Variants in KIF26B observed in about 807,000 individuals in gnomAD.
The protein encoded by KIF26B is kinesin-like protein KIF26B.
In KIF26B, 63 loss-of-function variants were observed where a neutral mutation model predicts 151.2. The ratio of observed to expected loss-of-function variants is 0.42; its 90% confidence interval spans 0.34 to 0.51. KIF26B has a LOEUF of 0.51. Ranked by LOEUF, KIF26B falls within the 20% of genes least tolerant of loss-of-function variation. KIF26B has a pLI of 0.07. For synonymous variants in KIF26B, 1,357 were observed against 1,262.1 expected (o/e 1.08, Z -1.59); for missense variants, 2,813 against 2,913.6 (o/e 0.97, Z 0.79).
intron 2 of KIF26B, among the ~76,000 whole-genome samples, chr1:245,343,578 G>A (rs1433331437): frequency 1.3e-5 from 2 of 152,104 alleles, no homozygotes; most frequent in East Asian, 3.9e-4. Flanking sequence ...GTTATAGGTA[G>A]GAGTCATCTT....
At chr1:245,465,348 G>C (rs1659761996) in intron 4 of KIF26B, among the ~76,000 whole-genome samples, 1 of 152,118 alleles carries the variant, frequency 6.6e-6, no homozygotes, top group Admixed American at 6.5e-5. Context: ...CTGGGTGAGA[G>C]ATGAGGGAGC....
intron 9 of KIF26B, among the ~76,000 whole-genome samples, chr1:245,641,639 A>G (rs975114991): frequency 2.7e-5 from 4 of 150,554 alleles, no homozygotes; most frequent in Middle Eastern, 3.2e-3. Flanking sequence ...TTTTCATTTC[A>G]TTTATTGAAT....
intron 4 of KIF26B, among the ~76,000 whole-genome samples, chr1:245,441,792 A>G (rs1372625399): frequency 6.6e-6 from 1 of 152,242 alleles, no homozygotes; most frequent in Non-Finnish European, 1.5e-5. Flanking sequence ...CAGCTGTTGC[A>G]TTTGATGGCT....
chr1:245,703,226 T>C lies in KIF26B; in HGVS notation c.*620T>C, dbSNP rs1388876673. ...GCTATTTCTTAATCAGTATTGCTTA[T>C]GAATAAATATTACCTGTCTTTTATG... On this transcript the variant is annotated 3_prime_UTR_variant, in exon 15 of 15. Transcript: ENST00000407071. The C allele has an allele frequency of 6.5e-6, 1 of 152,692 alleles. No individual in the cohort carries two copies. The highest frequency in any genetic ancestry group is 1.5e-5 in the Non-Finnish European group (1 of 68,062). The allele number at this position is 152,692 out of a possible 1,614,324, so 9.5% of individuals were successfully genotyped here.
chr1:245,478,695 G>A (rs1381506119), intron 4 of KIF26B, among the ~76,000 whole-genome samples: 3 of 151,812 alleles, frequency 2.0e-5, no homozygotes, highest in Non-Finnish European at 1.5e-5. Context: ...GATGACAGGC[G>A]TGAGCCACCG....
At chr1:245,226,621 G>A (rs1030147571) in intron 2 of KIF26B, among the ~76,000 whole-genome samples, 9 of 152,022 alleles carry the variant, frequency 5.9e-5, no homozygotes, top group African/African-American at 1.9e-4. Flanking sequence ...GCACCACCAC[G>A]CCCGGCTAAT....
chr1:245,441,071 C>T (rs1659067558), intron 4 of KIF26B, among the ~76,000 whole-genome samples: 3 of 152,320 alleles, frequency 2.0e-5, no homozygotes, highest in South Asian at 4.1e-4. Context: ...GCCTGGCGTT[C>T]TCTCCTTGGC....
intron 2 of KIF26B, among the ~76,000 whole-genome samples, chr1:245,247,929 C>T (rs576573073): frequency 6.6e-6 from 1 of 152,270 alleles, no homozygotes; most frequent in Admixed American, 6.5e-5. Flanking sequence ...CAGCAGATGC[C>T]CTCAGCTCAC....
At chr1:245,579,662 CAA>C (rs2043155557) in intron 5 of KIF26B, among the ~76,000 whole-genome samples, 1 of 33,712 alleles carries the variant, frequency 3.0e-5, no homozygotes, top group Non-Finnish European at 5.1e-5. Context: ...ATACAAAAAA[CAA>C]ACAAACAAAC....
chr1:245,427,506 G>A lies in KIF26B; in HGVS notation c.1166+7761G>A, dbSNP rs373294193. Among the ~76,000 whole-genome samples, 164 of 152,296 alleles carry A rather than the reference G, an allele frequency of 1.1e-3. 1 individual carries two copies. Among genetic ancestry groups the A allele is most frequent in the African/African-American group, 3.9e-3 (161 of 41,554 alleles). On this transcript the variant is annotated intron_variant, in intron 4 of 14. Coordinates refer to ENST00000407071, the MANE Select transcript of KIF26B (RefSeq NM_018012.4). ...GCCTGTAATCCCGTCTACTTGGGAG[G>A]CTGAGGCAGGAGAATCACTTGAACC...
chr1:245,303,273 A>C (rs894304879), intron 2 of KIF26B, among the ~76,000 whole-genome samples: 1 of 135,670 alleles, frequency 7.4e-6, no homozygotes, highest in Non-Finnish European at 1.5e-5. Flanking sequence ...ATCTCGGCTC[A>C]CTGCAAGCTC....
intron 2 of KIF26B, among the ~76,000 whole-genome samples, chr1:245,174,746 C>T (rs577520360): frequency 2.0e-5 from 3 of 152,280 alleles, no homozygotes; most frequent in Non-Finnish European, 2.9e-5. Context: ...ATGAGTGTCA[C>T]CAGTGAGCTT....
intron 4 of KIF26B, among the ~76,000 whole-genome samples, chr1:245,514,505 G>T (rs76437425): frequency 0.16 from 23,556 of 151,934 alleles, 2,282 homozygotes; most frequent in Middle Eastern, 0.32. Context: ...TCCAGCCTGG[G>T]CGACAGAGTA....
chr1:245,311,978 G>A (rs1671674426), intron 2 of KIF26B, among the ~76,000 whole-genome samples: 1 of 152,216 alleles, frequency 6.6e-6, no homozygotes, highest in African/African-American at 2.4e-5. Context: ...CAGCCACGCT[G>A]AATTGAGGTG....
chr1:245,554,499 A>G (rs901513206), intron 5 of KIF26B, among the ~76,000 whole-genome samples: 2 of 152,226 alleles, frequency 1.3e-5, no homozygotes, highest in South Asian at 2.1e-4. Context: ...TGAGTTAAAC[A>G]TGGTCTCTAT....
chr1:245,520,512 TCATCCATC>T (rs72448876), intron 4 of KIF26B, among the ~76,000 whole-genome samples: 149,543 of 149,712 alleles, frequency 1, 74,687 homozygotes, highest in Middle Eastern at 1. Flanking sequence ...CACAATCTAT[TCATCCATC>T]CATCCATCCA....
In KIF26B at chr1:245,512,915, G is replaced by C. The variant is rs971456258; in HGVS notation, c.1167-27852G>C. On this transcript the variant is annotated intron_variant, in intron 4 of 14. Coordinates refer to ENST00000407071, the MANE Select transcript of KIF26B (RefSeq NM_018012.4). This position sits in a 1 kb window ranked among gnomAD's most constrained non-coding sequence, Gnocchi z 4.3. Reference sequence around the variant, plus strand: ...CATTAAAAAACAATGACTAAAAACAGAATAATTTTCTTACCCAAATTCCAG... The same window carrying C: ...CATTAAAAAACAATGACTAAAAACACAATAATTTTCTTACCCAAATTCCAG... Among the ~76,000 whole-genome samples the C allele has an allele frequency of 2.0e-5, 3 of 152,096 alleles. No individual in the cohort carries two copies. The highest frequency in any genetic ancestry group is 7.2e-5 in the African/African-American group (3 of 41,428).
chr1:245,654,182 G>A (rs2044049617), intron 10 of KIF26B, among the ~76,000 whole-genome samples: 1 of 152,080 alleles, frequency 6.6e-6, no homozygotes, highest in African/African-American at 2.4e-5. Context: ...CAGGCTGATG[G>A]CTAGATACCC....
Position 245,225,682 on chromosome 1 carries a change from A to G in KIF26B, c.465+68999A>G, listed in dbSNP as rs115965090. On this transcript the variant is annotated intron_variant, in intron 2 of 14. Coordinates refer to ENST00000407071, the MANE Select transcript of KIF26B (RefSeq NM_018012.4). Reference sequence around the variant, plus strand: ...GAGGCCAGAGAGGACTCATTTGGCTATAATCAGAGGCATTCCCCTTTCCTC... The same window carrying G: ...GAGGCCAGAGAGGACTCATTTGGCTGTAATCAGAGGCATTCCCCTTTCCTC... Among the ~76,000 whole-genome samples the G allele has an allele frequency of 2.9e-3, 441 of 152,308 alleles. 3 individuals are homozygous for G. The highest frequency in any genetic ancestry group is 9.9e-3 in the African/African-American group (411 of 41,566).
Sources: allele counts gnomAD v4.1 joint callset (sites outside exome capture counted in the v4.1 genomes callset), GRCh38; gene constraint gnomAD v4.1.1; non-coding constraint Gnocchi (gnomAD v3.1); transcripts MANE v1.5; gene names NCBI Gene and HGNC (gene_info 2026-07-23, HGNC 2026-07-21).